Variants in CTNNAL1 observed in about 807,000 individuals in gnomAD.
CTNNAL1 encodes alpha-catulin.
CTNNAL1 carries 69 observed loss-of-function variants against 93.6 expected under a neutral mutation model. The observed-to-expected ratio is 0.74, with a 90% CI of 0.61 to 0.90. CTNNAL1 has a LOEUF of 0.90. Among genes scored for constraint, CTNNAL1 ranks in the 40% least tolerant of loss-of-function variants. The pLI is 0.00. For missense variants in CTNNAL1, 836 were observed against 862.0 expected (o/e 0.97, Z 0.38); for synonymous variants, 286 against 305.4 (o/e 0.94, Z 0.66).
At chr9:108,965,300 G>T in intron 11 of CTNNAL1, 78 bp downstream of exon 11, 2 of 1,175,572 alleles carry the variant, frequency 1.7e-6, no homozygotes, top group Non-Finnish European at 1.1e-6. Context: ...TTCATTTGCA[G>T]TTGAGGTTTG....
intron 9 of CTNNAL1, among the ~76,000 whole-genome samples, chr9:108,970,913 A>ACTGT (rs1831096712): frequency 6.6e-6 from 1 of 152,162 alleles, no homozygotes; most frequent in Admixed American, 6.5e-5. Flanking sequence ...TTCTATCAAC[A>ACTGT]CTGTCTTCCA....
chr9:108,996,670 A>C (rs1382535533), intron 2 of CTNNAL1, among the ~76,000 whole-genome samples: 1 of 150,298 alleles, frequency 6.7e-6, no homozygotes, highest in Non-Finnish European at 1.5e-5. Context: ...AAAATACTGT[A>C]CTCCTGCTTT....
chr9:108,983,731 T>C (rs997040678), intron 5 of CTNNAL1, among the ~76,000 whole-genome samples: 5 of 152,206 alleles, frequency 3.3e-5, no homozygotes, highest in Non-Finnish European at 1.5e-5. Flanking sequence ...CTAGACAAAA[T>C]AGAGTCTTCT....
intron 9 of CTNNAL1, 30 bp from the exon 10 acceptor site, chr9:108,970,524 T>C (rs750558799): frequency 6.3e-7 from 1 of 1,578,462 alleles, no homozygotes; most frequent in Middle Eastern, 1.7e-4. Context: ...CAGTTTAACT[T>C]TCACATCCTC....
At position 108,955,686 on chromosome 9, in the gene CTNNAL1, T is replaced by A. The variant is rs928612759; in HGVS notation, c.1629+104A>T. The A allele has an allele frequency of 4.0e-6, 4 of 1,006,652 alleles. No homozygotes were observed. In the African/African-American group the frequency reaches 5.0e-5, roughly 13 times the overall value. The allele number at this position is 1,006,652 out of a possible 1,614,324, so 62.4% of individuals were successfully genotyped here. On this transcript the variant is annotated intron_variant, in intron 12 of 18. Coordinates refer to ENST00000325551, the MANE Select transcript of CTNNAL1 (RefSeq NM_003798.4). ...ACATTAATATCCTAACTTTTTTCTGTCATGTCAATTATTTGTGGTAGAGGG... is the reference window on the plus strand; with the variant it reads ...ACATTAATATCCTAACTTTTTTCTGACATGTCAATTATTTGTGGTAGAGGG...
At position 108,943,004 on chromosome 9, in the gene CTNNAL1, A is replaced by G. The variant is rs142688940; in HGVS notation, c.2096T>C (p.Leu699Pro). The change falls in exon 18 of 19, where the codon CTC (leucine) becomes CCC (proline). Residue 699 changes from leucine (L) to proline (P), a missense_variant. Physicochemically the swap from Leu to Pro is moderately conservative, Grantham distance 98. Coordinates refer to ENST00000325551, the MANE Select transcript of CTNNAL1 (RefSeq NM_003798.4). ...ACAAAGTGAAAGAAGTTGGACTAAGAGAGCCATCATGGATCTTGTCTTCGT... is the reference window on the plus strand; with the variant it reads ...ACAAAGTGAAAGAAGTTGGACTAAGGGAGCCATCATGGATCTTGTCTTCGT... The part of the protein sequence containing the change: ...CITKTRSMMA[L>P]LVQLLSLCYK... The G allele has an allele frequency of 2.9e-5, 47 of 1,612,810 alleles. No individual in the cohort carries two copies. The highest frequency in any genetic ancestry group is 1.8e-4 in the East Asian group (8 of 44,852).
chr9:108,979,495 G>A lies in CTNNAL1; in HGVS notation c.901-14C>T, dbSNP rs1831363816. 6.2e-7 allele frequency: 1 copy of A among 1,612,274 alleles called. No individual in the cohort carries two copies. The highest frequency in any genetic ancestry group is 1.7e-5 in the Admixed American group (1 of 59,894). On this transcript the variant is annotated splice_polypyrimidine_tract_variant and intron_variant, in intron 6 of 18. Coordinates refer to ENST00000325551, the MANE Select transcript of CTNNAL1 (RefSeq NM_003798.4). ...TTCAATATTCATCTGAGAACAAAAA[G>A]GACATCTATCCATCCATGTGAGTCA...
At chr9:109,011,481 C>G (rs549316482) in intron 1 of CTNNAL1, among the ~76,000 whole-genome samples, 1 of 152,204 alleles carries the variant, frequency 6.6e-6, no homozygotes, top group Non-Finnish European at 1.5e-5. Flanking sequence ...GCTTCTTTTA[C>G]CCCAGAGTTA....
chr9:108,986,968 A>T (rs1403906515), intron 4 of CTNNAL1, among the ~76,000 whole-genome samples: 3 of 152,012 alleles, frequency 2.0e-5, no homozygotes, highest in South Asian at 2.1e-4. Flanking sequence ...TTTTCTCCCA[A>T]TTTGTAGGTT....
chr9:109,008,688 T>C (rs1445005845), intron 1 of CTNNAL1, among the ~76,000 whole-genome samples: 2 of 152,180 alleles, frequency 1.3e-5, no homozygotes, highest in African/African-American at 4.8e-5. Flanking sequence ...TCTTTTCCTA[T>C]ATCTTTTAGC....
intron 5 of CTNNAL1, among the ~76,000 whole-genome samples, chr9:108,984,133 G>A (rs1276873587): frequency 2.6e-5 from 4 of 152,208 alleles, no homozygotes; most frequent in African/African-American, 7.2e-5. Flanking sequence ...CTGCTGAGCT[G>A]TTCAATCAAA....
intron 7 of CTNNAL1, among the ~76,000 whole-genome samples, chr9:108,978,258 C>T (rs747369358): frequency 1.3e-4 from 20 of 152,300 alleles, no homozygotes; most frequent in Admixed American, 4.6e-4. Context: ...GTCTCTCACA[C>T]GACTATACTC....
chr9:108,973,467 C>A (rs545251688), intron 8 of CTNNAL1, among the ~76,000 whole-genome samples: 5 of 152,172 alleles, frequency 3.3e-5, no homozygotes, highest in Non-Finnish European at 4.4e-5. Context: ...TAGGACACAA[C>A]CCCTGCCCTC....
At chr9:109,004,513 CG>C (rs1321225995) in intron 1 of CTNNAL1, among the ~76,000 whole-genome samples, 6 of 152,082 alleles carry the variant, frequency 3.9e-5, no homozygotes, top group Non-Finnish European at 8.8e-5. Flanking sequence ...GTTGGCTGGG[CG>C]CAGTGGCTCA....
chr9:109,003,813 T>C (rs1010209186), intron 1 of CTNNAL1, among the ~76,000 whole-genome samples: 1 of 152,200 alleles, frequency 6.6e-6, no homozygotes, highest in Non-Finnish European at 1.5e-5. Flanking sequence ...TGTTGTGACT[T>C]TGGAGAGGAT....
intron 8 of CTNNAL1, among the ~76,000 whole-genome samples, chr9:108,975,749 C>A (rs1156821216): frequency 6.6e-6 from 1 of 152,100 alleles, no homozygotes; most frequent in Non-Finnish European, 1.5e-5. Context: ...ATATTTTAGG[C>A]CCTATTGTGA....
chr9:108,977,072 T>C, intron 7 of CTNNAL1, 24 bp from the exon 8 acceptor site: 1 of 1,164,382 alleles, frequency 8.6e-7, no homozygotes, highest in Non-Finnish European at 1.2e-6. Context: ...AAAGTATACA[T>C]GTAATGTTAC....
At chr9:109,012,070 C>T (rs1467881714) in intron 1 of CTNNAL1, among the ~76,000 whole-genome samples, 1 of 152,142 alleles carries the variant, frequency 6.6e-6, no homozygotes, top group East Asian at 1.9e-4. Context: ...CAATGAGACA[C>T]AGGAAAAGGG....
intron 11 of CTNNAL1, among the ~76,000 whole-genome samples, chr9:108,965,154 C>T (rs1193247008): frequency 6.6e-6 from 1 of 152,138 alleles, no homozygotes. Context: ...AGCCGCCACA[C>T]CTGGCCTACT....
Sources: gnomAD v4.1 joint callset for allele counts (sites outside exome capture counted in the v4.1 genomes callset) on GRCh38, gnomAD v4.1.1 for gene constraint, MANE v1.5 for transcripts, NCBI Gene and HGNC (gene_info 2026-07-23, HGNC 2026-07-21) for gene names.